UBAC2: variants seen among roughly 807,000 people sequenced by gnomAD.
UBAC2 encodes the protein ubiquitin-associated domain-containing protein 2.
Under a neutral mutation model 44.0 loss-of-function variants are expected in UBAC2, and 26 were observed. The ratio of observed to expected loss-of-function variants is 0.59; its 90% CI spans 0.43 to 0.82. The LOEUF is 0.82. UBAC2 is among the 40% of genes least tolerant of loss of function. UBAC2 has a pLI of 0.00. For synonymous variants in UBAC2, 155 were observed against 154.3 expected (o/e 1.00, Z -0.04); for missense variants, 329 against 419.4 (o/e 0.78, Z 1.88).
chr13:99,375,758 A>G (rs1353793225), intron 8 of UBAC2, among the ~76,000 whole-genome samples: 5 of 151,840 alleles, frequency 3.3e-5, no homozygotes, highest in Non-Finnish European at 7.4e-5. Context: ...GTAAAATACC[A>G]AAGTGGGATT....
In UBAC2 at chr13:99,237,271, TACAC is replaced by T. The variant is rs57466771; in HGVS notation, c.32-1132_32-1129del. On this transcript the variant is annotated intron_variant, in intron 1 of 8. Coordinates refer to ENST00000403766, the MANE Select transcript of UBAC2 (RefSeq NM_001144072.2). Reference sequence around the variant, plus strand: ...TTTTATGCGTATATATATATATATATACACACACACACACACACACACACACAGT... The same window carrying T: ...TTTTATGCGTATATATATATATATATACACACACACACACACACACACAGT... 6.7e-3 allele frequency among the ~76,000 whole-genome samples: 969 copies of T among 144,976 alleles called. 16 individuals carry two copies. The highest frequency in any genetic ancestry group is 0.019 in the African/African-American group (750 of 39,264).
intron 6 of UBAC2, among the ~76,000 whole-genome samples, chr13:99,331,126 A>C (rs1032197852): frequency 6.6e-6 from 1 of 152,220 alleles, no homozygotes; most frequent in Non-Finnish European, 1.5e-5. Context: ...TTCGCCTCTC[A>C]GTCTGACCAC....
intron 1 of UBAC2, among the ~76,000 whole-genome samples, chr13:99,203,736 A>G (rs1446755974): frequency 6.6e-6 from 1 of 152,234 alleles, no homozygotes; most frequent in Non-Finnish European, 1.5e-5. Context: ...GACCGAAGTT[A>G]TGGTGGAGGA....
intron 1 of UBAC2, among the ~76,000 whole-genome samples, chr13:99,207,370 T>C (rs963850235): frequency 7.2e-5 from 11 of 152,340 alleles, no homozygotes; most frequent in South Asian, 4.1e-4. Flanking sequence ...CTTCTGAGCC[T>C]ATTCTTAAAA....
At chr13:99,223,309 C>G (rs985819935) in intron 1 of UBAC2, among the ~76,000 whole-genome samples, 10 of 152,056 alleles carry the variant, frequency 6.6e-5, no homozygotes, top group Non-Finnish European at 1.5e-4. Flanking sequence ...TCTCTGGGGT[C>G]AGTAGTGATG....
At chr13:99,316,112 C>G (rs994629145) in intron 5 of UBAC2, among the ~76,000 whole-genome samples, 3 of 151,820 alleles carry the variant, frequency 2.0e-5, no homozygotes, top group African/African-American at 7.3e-5. Context: ...TATAAATTTC[C>G]AATATTTTTG....
rs1044154809 is a variant in UBAC2 at position 99,254,627 on chromosome 13, T to C, written c.389+10003T>C. The C allele has an allele frequency of 8.2e-6, 3 of 365,250 alleles. No homozygotes were observed. In the East Asian group the frequency reaches 1.6e-4, roughly 20 times the overall value. The allele number at this position is 365,250 out of a possible 1,614,324, so 22.6% of individuals were successfully genotyped here. On this transcript the variant is annotated intron_variant, in intron 4 of 8. Transcript: ENST00000403766. ...CCCCTACTGACTTGATTAACACACA[T>C]GTGTCGCTTGCACATAGAAATGCAA...
intron 4 of UBAC2, among the ~76,000 whole-genome samples, chr13:99,253,794 G>A (rs563734087): frequency 9.2e-5 from 14 of 152,308 alleles, no homozygotes; most frequent in South Asian, 8.3e-4. Flanking sequence ...GATTACAGGC[G>A]TGAGCCACCA....
intron 6 of UBAC2, among the ~76,000 whole-genome samples, chr13:99,334,526 T>G (rs960261749): frequency 1.3e-5 from 2 of 152,244 alleles, no homozygotes; most frequent in Non-Finnish European, 2.9e-5. Context: ...GAGGACTTAC[T>G]GTAGGGTCTT....
At chr13:99,201,498 T>G in intron 1 of UBAC2, 1 of 1,614,190 alleles carries the variant, frequency 6.2e-7, no homozygotes, top group Non-Finnish European at 8.5e-7. Context: ...AGTTAGGAAG[T>G]CGTGGCGAGG....
chr13:99,272,885 CTG>C (rs1195083958), intron 4 of UBAC2, among the ~76,000 whole-genome samples: 1 of 151,936 alleles, frequency 6.6e-6, no homozygotes, highest in African/African-American at 2.4e-5. Context: ...CATTGTGAGT[CTG>C]TGTGTGTATC....
At chr13:99,227,278 A>G (rs1417189178) in intron 1 of UBAC2, among the ~76,000 whole-genome samples, 1 of 151,858 alleles carries the variant, frequency 6.6e-6, no homozygotes, top group African/African-American at 2.4e-5. Flanking sequence ...CTGAAATATC[A>G]GGAACCCGAG....
Position 99,324,590 on chromosome 13 carries a change from C to G in UBAC2, c.561+6521C>G, listed in dbSNP as rs545735291. On this transcript the variant is annotated intron_variant, in intron 6 of 8. Coordinates refer to ENST00000403766, the MANE Select transcript of UBAC2 (RefSeq NM_001144072.2). ...AAAAGCTGACTAATAGTACTCTTTT[C>G]TAAGCACTTTACAAACATTATTTTA... is the stretch of plus-strand genomic sequence containing the variant. 2.0e-5 allele frequency among the ~76,000 whole-genome samples: 3 copies of G among 152,334 alleles called. No individual in the cohort carries two copies. The East Asian group carries it at 5.8e-4, about 29-fold the overall frequency.
At chr13:99,314,431 A>AAT (rs1489569104) in intron 5 of UBAC2, among the ~76,000 whole-genome samples, 1 of 152,212 alleles carries the variant, frequency 6.6e-6, no homozygotes, top group Admixed American at 6.5e-5. Context: ...TAGTCTTTAG[A>AAT]AATCTGATAA....
chr13:99,225,272 T>C (rs1398680169), intron 1 of UBAC2, among the ~76,000 whole-genome samples: 1 of 152,190 alleles, frequency 6.6e-6, no homozygotes, highest in Non-Finnish European at 1.5e-5. Flanking sequence ...GAAATGAAAC[T>C]CTGTATCCAT....
intron 7 of UBAC2, among the ~76,000 whole-genome samples, chr13:99,360,761 A>T (rs1233147104): frequency 1.3e-5 from 2 of 151,978 alleles, no homozygotes; most frequent in Non-Finnish European, 2.9e-5. Context: ...GTTGATGTCC[A>T]CTCTGAGCTT....
chr13:99,279,519 T>C (rs2043926113), intron 4 of UBAC2, among the ~76,000 whole-genome samples: 1 of 152,198 alleles, frequency 6.6e-6, no homozygotes, highest in Non-Finnish European at 1.5e-5. Context: ...ATGTAACAAA[T>C]GATTTGATAC....
chr13:99,295,446 C>T lies in UBAC2; in HGVS notation c.390-18651C>T. On this transcript the variant is annotated intron_variant, in intron 4 of 8. Coordinates refer to ENST00000403766, the MANE Select transcript of UBAC2 (RefSeq NM_001144072.2). This position sits in a 1 kb window ranked among gnomAD's most constrained non-coding sequence, Gnocchi z 4.1. ...GCCTTTTTGTTTACACCAGATTTCT[C>T]AGTGAGTGGGTTTTGTTTGGCAGTT... 1 of 1,614,018 alleles carries T rather than the reference C, an allele frequency of 6.2e-7. No homozygotes were observed. Among genetic ancestry groups the T allele is most frequent in the Non-Finnish European group, 8.5e-7 (1 of 1,180,016 alleles).
intron 7 of UBAC2, among the ~76,000 whole-genome samples, chr13:99,355,268 C>CAA (rs2045159911): frequency 6.6e-6 from 1 of 152,138 alleles, no homozygotes; most frequent in Non-Finnish European, 1.5e-5. Context: ...ATTTGGCAGA[C>CAA]AAAAGAATGA....
Sources: gnomAD v4.1 joint callset for allele counts (sites outside exome capture counted in the v4.1 genomes callset) on GRCh38, gnomAD v4.1.1 for gene constraint, Gnocchi (gnomAD v3.1) non-coding constraint, MANE v1.5 for transcripts, NCBI Gene and HGNC (gene_info 2026-07-23, HGNC 2026-07-21) for gene names.